The following NOL3 variants were observed in gnomAD, a reference collection of about 807,000 sequenced individuals.
NOL3 encodes muscle-enriched cytoplasmic protein.
A neutral mutation model predicts 19.2 loss-of-function variants in NOL3; 18 were observed. The observed-to-expected ratio is 0.94, with a 90% CI of 0.65 to 1.39. The LOEUF is 1.39. Ranked by LOEUF, NOL3 falls within the 40% of genes most tolerant of loss-of-function variation. The pLI, the probability that NOL3 is intolerant of heterozygous loss-of-function variation, is 0.00. For synonymous variants in NOL3, 127 were observed against 137.3 expected (o/e 0.93, Z 0.52); for missense variants, 290 against 289.5 (o/e 1.00, Z -0.01).
exon 3 of NOL3, chr16:67,174,817 G>A (rs1179008620): frequency 1.2e-6 from 2 of 1,603,798 alleles, no homozygotes; most frequent in South Asian, 1.1e-5. Context: ...CCTCTAAAGA[G>A]GCTGAACCGG....
Position 67,170,786 on chromosome 16 carries a change from G to GGAA in NOL3, c.-9+212_-9+213insGAA, listed in dbSNP as rs375874027. ...TGGAGGGAGGTAAGGGGCGGGGGGGGAAAATCCGTGCAGTCGCACATGCGC... is the reference window on the plus strand; with the variant it reads ...TGGAGGGAGGTAAGGGGCGGGGGGGGGAAAAAATCCGTGCAGTCGCACATGCGC... On this transcript the variant is annotated intron_variant, in intron 1 of 3. Coordinates refer to ENST00000268605, the Ensembl canonical transcript of NOL3. The surrounding 1 kb of genome is among the most constrained non-coding windows in gnomAD (Gnocchi z 5.7). Among the ~76,000 whole-genome samples, 21 of 152,018 alleles carry GGAA rather than the reference G, an allele frequency of 1.4e-4. No individual in the cohort carries two copies. Among genetic ancestry groups the GGAA allele is most frequent in the African/African-American group, 4.8e-4 (20 of 41,448 alleles).
chr16:67,171,476 G>C (rs918439009), intron 1 of NOL3: 2 of 152,412 alleles, frequency 1.3e-5, no homozygotes, highest in African/African-American at 4.8e-5. Context: ...TCCGATCCCT[G>C]GCTGGTGGAG....
At position 67,174,470 on chromosome 16, in the gene NOL3, C is replaced by A. The variant is rs765120688; in HGVS notation, c.295+6C>A. ...CTGGCAGCACGTGGGTCCGGGTGAG[C>A]GCGCGGGGCGGGGCCTAGGGCAGAG... On this transcript the variant is annotated splice_donor_region_variant and intron_variant, in intron 2 of 3. Transcript: ENST00000268605. The A allele has an allele frequency of 4.7e-6, 7 of 1,480,194 alleles. No homozygotes were observed. The African/African-American group carries it at 9.8e-5, about 21-fold the overall frequency. 91.7% of individuals were successfully genotyped at this position (1,480,194 alleles called of 1,614,324 possible).
chr16:67,175,278 G>GC (rs1263611398), exon 4 of NOL3: 1 of 1,433,564 alleles, frequency 7.0e-7, no homozygotes, highest in Admixed American at 2.9e-5. Context: ...GCAGGCCCAA[G>GC]CCCACCACGA....
intron 1 of NOL3, chr16:67,171,976 A>C (rs2031790008): frequency 6.6e-6 from 1 of 152,170 alleles, no homozygotes; most frequent in Admixed American, 6.6e-5. Flanking sequence ...CAATGGGAGG[A>C]AGCCAGGGTG....
At chr16:67,173,714 T>A (rs966290402) in intron 1 of NOL3, 27 of 644,888 alleles carry the variant, frequency 4.2e-5, no homozygotes, top group Non-Finnish European at 6.3e-5. Context: ...GGGTGTGGAG[T>A]ATCAGCATCA....
exon 4 of NOL3, chr16:67,175,414 CT>C (rs1198947337): frequency 2.8e-6 from 3 of 1,073,048 alleles, no homozygotes; most frequent in Non-Finnish European, 3.5e-6. Context: ...CCCATTTCCC[CT>C]GGTGAGCCAC....
At chr16:67,175,222 T>C (rs2032106063) in exon 4 of NOL3, 1 of 1,512,090 alleles carries the variant, frequency 6.6e-7, no homozygotes, top group Admixed American at 2.1e-5. Context: ...TTCTGGCTGT[T>C]TGCCCAGGAA....
intron 1 of NOL3, chr16:67,171,978 G>A (rs542479752): frequency 6.6e-6 from 1 of 152,454 alleles, no homozygotes; most frequent in East Asian, 1.9e-4. Flanking sequence ...ATGGGAGGAA[G>A]CCAGGGTGTG....
At chr16:67,175,401 CA>C in exon 4 of NOL3, 2 of 1,153,716 alleles carry the variant, frequency 1.7e-6, no homozygotes, top group Non-Finnish European at 2.2e-6. Flanking sequence ...CCCGCATACA[CA>C]ACCCATTTCC....
chr16:67,173,961 C>T, intron 1 of NOL3: 1 of 1,537,006 alleles, frequency 6.5e-7, no homozygotes, highest in Non-Finnish European at 8.7e-7. Flanking sequence ...CAGGACAGAG[C>T]GTCTGGAGAG....
exon 2 of NOL3, chr16:67,174,178 C>T (rs1235623788): frequency 6.8e-6 from 11 of 1,609,072 alleles, no homozygotes; most frequent in Non-Finnish European, 7.6e-6. Context: ...CAATGGGCAA[C>T]GCGCAGGAGC....
intron 3 of NOL3, 28 bp downstream of exon 3, chr16:67,174,972 G>T: frequency 1.2e-6 from 2 of 1,609,254 alleles, no homozygotes; most frequent in Non-Finnish European, 1.7e-6. Context: ...CCCTGAGCCG[G>T]CTTGGCGGGA....
At position 67,170,849 on chromosome 16, in the gene NOL3, C is replaced by A. The variant is rs1160968370; in HGVS notation, c.-9+275C>A. 6.6e-6 allele frequency among the ~76,000 whole-genome samples: 1 copy of A among 152,238 alleles called. No homozygotes were observed. The highest frequency in any genetic ancestry group is 2.4e-5 in the African/African-American group (1 of 41,470). ...CTGTCCCAAGACCCTGGCTTCCTGG[C>A]CAAAGAGCCCGCGCAGCGAGGTGGG... On this transcript the variant is annotated intron_variant, in intron 1 of 3. Coordinates refer to ENST00000268605, the Ensembl canonical transcript of NOL3. The surrounding 1 kb of genome is among the most constrained non-coding windows in gnomAD (Gnocchi z 5.7).
In NOL3 at chr16:67,170,835, C is replaced by T. The variant is rs1329250790; in HGVS notation, c.-9+261C>T. ...GCAAAGGCTCTTCACTGTCCCAAGA[C>T]CCTGGCTTCCTGGCCAAAGAGCCCG... On this transcript the variant is annotated intron_variant, in intron 1 of 3. Transcript: ENST00000268605. The surrounding 1 kb of genome is among the most constrained non-coding windows in gnomAD (Gnocchi z 5.7). 6.6e-6 allele frequency among the ~76,000 whole-genome samples: 1 copy of T among 152,252 alleles called. No homozygotes were observed. The highest frequency in any genetic ancestry group is 1.5e-5 in the Non-Finnish European group (1 of 68,042).
At chr16:67,174,874 A>T in exon 3 of NOL3, 3 of 1,612,134 alleles carry the variant, frequency 1.9e-6, no homozygotes, top group Admixed American at 3.4e-5. Flanking sequence ...AAGCAGAACC[A>T]GAGCCGGAAC....
intron 2 of NOL3, 60 bp downstream of exon 2, chr16:67,174,524 C>A: frequency 1.4e-6 from 2 of 1,468,640 alleles, no homozygotes; most frequent in African/African-American, 2.8e-5. Flanking sequence ...AGACAAAAGG[C>A]CCGGGGAGGG....
chr16:67,170,837 C>A lies in NOL3; in HGVS notation c.-9+263C>A, dbSNP rs927614025. 2.6e-5 allele frequency among the ~76,000 whole-genome samples: 4 copies of A among 152,246 alleles called. No individual in the cohort carries two copies. Among genetic ancestry groups the A allele is most frequent in the African/African-American group, 9.6e-5 (4 of 41,458 alleles). On this transcript the variant is annotated intron_variant, in intron 1 of 3. Transcript: ENST00000268605. The surrounding 1 kb of genome is among the most constrained non-coding windows in gnomAD (Gnocchi z 5.7). Reference sequence around the variant, plus strand: ...AAAGGCTCTTCACTGTCCCAAGACCCTGGCTTCCTGGCCAAAGAGCCCGCG... The same window carrying A: ...AAAGGCTCTTCACTGTCCCAAGACCATGGCTTCCTGGCCAAAGAGCCCGCG...
rs2032007621 is a variant in NOL3 at position 67,174,480 on chromosome 16, G to A, written c.295+16G>A. ...GTGGGTCCGGGTGAGCGCGCGGGGC[G>A]GGGCCTAGGGCAGAGCAGGGACGGG... On this transcript the variant is annotated intron_variant, in intron 2 of 3. Transcript: ENST00000268605. 3 of 1,479,860 alleles carry A rather than the reference G, an allele frequency of 2.0e-6. No individual in the cohort carries two copies. The highest frequency in any genetic ancestry group is 1.4e-5 in the African/African-American group (1 of 71,828). The allele number at this position is 1,479,860 out of a possible 1,614,324, so 91.7% of individuals were successfully genotyped here.
Sources: allele counts gnomAD v4.1 joint callset (sites outside exome capture counted in the v4.1 genomes callset), GRCh38; gene constraint gnomAD v4.1.1; non-coding constraint Gnocchi (gnomAD v3.1); transcripts MANE v1.5; gene names NCBI Gene and HGNC (gene_info 2026-07-23, HGNC 2026-07-21).